PRDM11: variants seen among roughly 807,000 people sequenced by gnomAD.
PRDM11 encodes the protein PR domain-containing protein 11.
Under a neutral mutation model 97.8 loss-of-function variants are expected in PRDM11, and 20 were observed. The ratio of observed to expected loss-of-function variants is 0.20; its 90% confidence interval spans 0.14 to 0.30. The LOEUF is 0.30. Among genes scored for constraint, PRDM11 ranks in the 10% least tolerant of loss-of-function variants. PRDM11 has a pLI of 1.00. For missense variants in PRDM11, 1,139 were observed against 1,555.2 expected (o/e 0.73, Z 4.50); for synonymous variants, 599 against 637.7 (o/e 0.94, Z 0.91).
upstream of PRDM11, among the ~76,000 whole-genome samples, chr11:45,094,299 G>A (rs989680161): frequency 6.4e-4 from 97 of 152,094 alleles, no homozygotes; most frequent in African/African-American, 2.3e-3. Context: ...CCTAACACCT[G>A]ATGCTGGACA....
At chr11:45,195,782 G>T (rs1408815924) in intron 4 of PRDM11, among the ~76,000 whole-genome samples, 1 of 151,712 alleles carries the variant, frequency 6.6e-6, no homozygotes, top group Non-Finnish European at 1.5e-5. Context: ...TTGCATGTTG[G>T]CCAGGCTCGT....
chr11:45,218,736 C>A (rs1486884572), intron 5 of PRDM11, among the ~76,000 whole-genome samples: 1 of 152,206 alleles, frequency 6.6e-6, no homozygotes, highest in East Asian at 1.9e-4. Context: ...GGATGTCGCA[C>A]ATGTTGTTTC....
intron 1 of PRDM11, among the ~76,000 whole-genome samples, chr11:45,154,451 G>A (rs570234080): frequency 1.1e-4 from 16 of 152,270 alleles, no homozygotes; most frequent in East Asian, 1.9e-4. Context: ...CAGAAGTTGC[G>A]GACACATTCA....
At position 45,182,977 on chromosome 11, in the gene PRDM11, C is replaced by A; in HGVS notation, c.340C>A (p.Pro114Thr). 6.2e-7 allele frequency: 1 copy of A among 1,614,078 alleles called. No homozygotes were observed. The highest frequency in any genetic ancestry group is 8.5e-7 in the Non-Finnish European group (1 of 1,180,016). Residue 114 changes from proline to threonine, a missense_variant, in exon 4 of 8, where the codon CCA (proline) becomes ACA (threonine). Transcript: ENST00000683152. ...CCCAGACCGGGCGGCGCTCACCATC[C>A]CACAGGGCATGGAGGTGGTCAAGGA... ...GIPDRAALTIPQGMEVVKDTS... is the reference protein window; with the variant it reads ...GIPDRAALTITQGMEVVKDTS...
At chr11:45,149,032 A>G (rs1051388619) in intron 1 of PRDM11, among the ~76,000 whole-genome samples, 1 of 152,050 alleles carries the variant, frequency 6.6e-6, no homozygotes. Flanking sequence ...TGTCACCCCA[A>G]TCTACTCCAT....
At chr11:45,143,998 A>G (rs552500685), upstream of PRDM11, among the ~76,000 whole-genome samples, 7 of 152,218 alleles carry the variant, frequency 4.6e-5, no homozygotes, top group East Asian at 1.2e-3. Flanking sequence ...TGGTGATCAC[A>G]CTCAGGGTCT....
chr11:45,191,185 A>T (rs529040554), intron 4 of PRDM11, among the ~76,000 whole-genome samples: 1 of 152,108 alleles, frequency 6.6e-6, no homozygotes, highest in Admixed American at 6.5e-5. Context: ...TGTTTGCATA[A>T]TGTTCCACAG....
intron 1 of PRDM11, among the ~76,000 whole-genome samples, chr11:45,103,030 A>G (rs1852005548): frequency 6.6e-6 from 1 of 152,186 alleles, no homozygotes; most frequent in Admixed American, 6.5e-5. Flanking sequence ...GTGTGATGAG[A>G]GTAACAGAGA....
intron 7 of PRDM11, 151 bp downstream of exon 7, chr11:45,224,994 T>G: frequency 6.7e-7 from 1 of 1,497,866 alleles, no homozygotes. Context: ...GGAGCCCAGG[T>G]CCTCAGTGTC....
At chr11:45,164,090 C>T (rs768829912) in intron 1 of PRDM11, among the ~76,000 whole-genome samples, 9 of 152,302 alleles carry the variant, frequency 5.9e-5, no homozygotes, top group Middle Eastern at 3.4e-3. Context: ...AGTTTCTGCA[C>T]CTGAAAGATG....
upstream of PRDM11, among the ~76,000 whole-genome samples, chr11:45,145,926 G>A (rs1851497635): frequency 6.6e-6 from 1 of 152,154 alleles, no homozygotes; most frequent in African/African-American, 2.4e-5. Context: ...TTTCACAGAT[G>A]GAGAAACTGA....
chr11:45,181,814 G>C lies in PRDM11; in HGVS notation c.48G>C (p.Val16=), dbSNP rs751667295. The C allele has an allele frequency of 5.0e-6, 8 of 1,613,608 alleles. No individual in the cohort carries two copies. In the South Asian group the frequency reaches 5.5e-5, roughly 11 times the overall value. Residue 16 remains valine (V), a synonymous_variant, in exon 2 of 8, where the codon GTG becomes GTC. Transcript: ENST00000683152. ...GCTTGGCCCAGACCAATGCAGCCGT[G>C]GGGGATATGGTGACGGTGGTGAAGA... The part of the protein sequence containing the change: ...KECLAQTNAA[V]GDMVTVVKTE...
chr11:45,172,458 A>G (rs920439055), intron 1 of PRDM11, among the ~76,000 whole-genome samples: 3 of 152,006 alleles, frequency 2.0e-5, no homozygotes, highest in Non-Finnish European at 4.4e-5. Flanking sequence ...ATTAGCATAA[A>G]CTCAGGTATG....
chr11:45,114,988 C>T (rs1340436330), intron 1 of PRDM11, among the ~76,000 whole-genome samples: 1 of 152,020 alleles, frequency 6.6e-6, no homozygotes, highest in East Asian at 1.9e-4. Flanking sequence ...CTGAAGGATA[C>T]TCAGATTTAC....
At position 45,219,461 on chromosome 11, in the gene PRDM11, G is replaced by T; in HGVS notation, c.555-109G>T. On this transcript the variant is annotated intron_variant, in intron 5 of 7. Transcript: ENST00000683152. The surrounding 1 kb of genome is among the most constrained non-coding windows in gnomAD (Gnocchi z 4.2). Reference sequence around the variant, plus strand: ...TCTGCTGATGTTCACATGGGCCCACGTGCCTGTGGACTTCTAACCATCCAC... The same window carrying T: ...TCTGCTGATGTTCACATGGGCCCACTTGCCTGTGGACTTCTAACCATCCAC... 9.1e-7 allele frequency: 1 copy of T among 1,101,950 alleles called. No homozygotes were observed. Among genetic ancestry groups the T allele is most frequent in the Non-Finnish European group, 1.3e-6 (1 of 773,418 alleles). The allele number at this position is 1,101,950 out of a possible 1,614,324, so 68.3% of individuals were successfully genotyped here. A position where few individuals can be genotyped will look rare whatever the true frequency, so the allele number is the denominator to read the frequency against.
At chr11:45,139,354 G>A (rs1045817593) in intron 1 of PRDM11, among the ~76,000 whole-genome samples, 3 of 152,116 alleles carry the variant, frequency 2.0e-5, no homozygotes, top group African/African-American at 7.2e-5. Flanking sequence ...GGATCATGAG[G>A]TCAGGAGTTC....
chr11:45,144,268 G>A (rs572852134), upstream of PRDM11, among the ~76,000 whole-genome samples: 3 of 152,246 alleles, frequency 2.0e-5, no homozygotes, highest in East Asian at 1.9e-4. Flanking sequence ...TGCCTCAGGC[G>A]ACAGGTTGGG....
chr11:45,136,683 AT>A (rs1203276537), intron 1 of PRDM11, among the ~76,000 whole-genome samples: 10 of 152,184 alleles, frequency 6.6e-5, no homozygotes, highest in African/African-American at 2.4e-4. Flanking sequence ...TCCAAACCTT[AT>A]TAAAGAAGCA....
At chr11:45,144,344 A>G (rs1203651516), upstream of PRDM11, among the ~76,000 whole-genome samples, 2 of 152,290 alleles carry the variant, frequency 1.3e-5, no homozygotes, top group Non-Finnish European at 1.5e-5. Flanking sequence ...GACAAGTCCC[A>G]GTGTGACGCC....
Sources: gnomAD v4.1 joint callset for allele counts (sites outside exome capture counted in the v4.1 genomes callset) on GRCh38, gnomAD v4.1.1 for gene constraint, Gnocchi (gnomAD v3.1) non-coding constraint, MANE v1.5 for transcripts, NCBI Gene and HGNC (gene_info 2026-07-23, HGNC 2026-07-21) for gene names.